The following ARHGAP26 variants were observed in gnomAD, a reference collection of about 807,000 sequenced individuals.
ARHGAP26 encodes the protein rho GTPase-activating protein 26.
Under a neutral mutation model 104.8 loss-of-function variants are expected in ARHGAP26, and 38 were observed. The observed-to-expected ratio is 0.36, with a 90% CI of 0.28 to 0.48. The LOEUF (loss-of-function observed/expected upper bound fraction) is 0.48, where lower values mean the gene tolerates loss of function less well. Ranked by LOEUF, ARHGAP26 falls within the 20% of genes least tolerant of loss-of-function variation. The pLI is 0.99. For synonymous variants in ARHGAP26, 341 were observed against 340.0 expected (o/e 1.00, Z -0.03); for missense variants, 704 against 947.9 (o/e 0.74, Z 3.38).
intron 11 of ARHGAP26, among the ~76,000 whole-genome samples, chr5:143,005,794 G>GA (rs1777863971): frequency 6.6e-6 from 1 of 152,202 alleles, no homozygotes; most frequent in African/African-American, 2.4e-5. Context: ...TCACCAGCAA[G>GA]AACGCTTCCG....
intron 11 of ARHGAP26, among the ~76,000 whole-genome samples, chr5:142,937,985 T>G (rs1208536614): frequency 6.6e-6 from 1 of 152,104 alleles, no homozygotes; most frequent in East Asian, 1.9e-4. Context: ...GAAACCATAT[T>G]AAAGTAGTTA....
chr5:142,872,386 A>C (rs991015181), intron 1 of ARHGAP26, among the ~76,000 whole-genome samples: 1 of 152,072 alleles, frequency 6.6e-6, no homozygotes, highest in Non-Finnish European at 1.5e-5. Context: ...GTTCTGCCTC[A>C]TGTTTCCCTC....
chr5:142,818,864 C>T (rs1364403963), intron 1 of ARHGAP26, among the ~76,000 whole-genome samples: 1 of 152,028 alleles, frequency 6.6e-6, no homozygotes, highest in Non-Finnish European at 1.5e-5. Context: ...GGAGGGGACC[C>T]ACATTAGAAT....
chr5:143,125,072 A>T (rs1796569667), intron 18 of ARHGAP26, among the ~76,000 whole-genome samples: 1 of 152,220 alleles, frequency 6.6e-6, no homozygotes, highest in South Asian at 2.1e-4. Flanking sequence ...ACTCATAAAT[A>T]TCTAAAATTG....
intron 11 of ARHGAP26, among the ~76,000 whole-genome samples, chr5:142,976,112 A>C (rs1274968957): frequency 6.6e-6 from 1 of 152,210 alleles, no homozygotes; most frequent in Non-Finnish European, 1.5e-5. Flanking sequence ...TTAGCTGTAG[A>C]ACCTAACACC....
chr5:142,804,313 C>G (rs77666711), intron 1 of ARHGAP26, among the ~76,000 whole-genome samples: 22 of 152,008 alleles, frequency 1.4e-4, no homozygotes, highest in Non-Finnish European at 2.9e-4. Flanking sequence ...CATAACTTGC[C>G]GAGGCTGACT....
intron 12 of ARHGAP26, among the ~76,000 whole-genome samples, chr5:143,021,331 C>T (rs903008193): frequency 2.0e-5 from 3 of 152,218 alleles, no homozygotes; most frequent in Non-Finnish European, 4.4e-5. Flanking sequence ...GTTTAATATT[C>T]TGTCATTGGA....
At chr5:142,925,806 T>C (rs948816848) in intron 10 of ARHGAP26, among the ~76,000 whole-genome samples, 4 of 152,134 alleles carry the variant, frequency 2.6e-5, no homozygotes, top group African/African-American at 9.7e-5. Flanking sequence ...TATACAGTAG[T>C]GTGGATGGAA....
intron 1 of ARHGAP26, among the ~76,000 whole-genome samples, chr5:142,853,356 A>G (rs151044779): frequency 0.015 from 2,214 of 151,958 alleles, 55 homozygotes; most frequent in African/African-American, 0.05. Context: ...ACATCCAGCT[A>G]ATTTTTGTAT....
intron 17 of ARHGAP26, among the ~76,000 whole-genome samples, chr5:143,069,327 A>G (rs1160380865): frequency 6.6e-6 from 1 of 152,184 alleles, no homozygotes; most frequent in Non-Finnish European, 1.5e-5. Context: ...TAGCAACTAG[A>G]TCAGTGCCTG....
intron 17 of ARHGAP26, among the ~76,000 whole-genome samples, chr5:143,099,607 G>C (rs551699490): frequency 2.0e-5 from 3 of 152,342 alleles, no homozygotes; most frequent in East Asian, 3.9e-4. Flanking sequence ...GTGTCACTCA[G>C]TGATACCTCT....
intron 12 of ARHGAP26, among the ~76,000 whole-genome samples, chr5:143,021,745 T>G (rs1054265516): frequency 2.0e-5 from 3 of 152,228 alleles, no homozygotes; most frequent in Non-Finnish European, 2.9e-5. Context: ...AGTGCCTAAT[T>G]ACTCTTGGTT....
intron 3 of ARHGAP26, among the ~76,000 whole-genome samples, chr5:142,877,037 A>T: frequency 6.6e-6 from 1 of 151,840 alleles, no homozygotes; most frequent in East Asian, 1.9e-4. Context: ...CTGAGTTAGT[A>T]TTTGGGGGTG....
intron 17 of ARHGAP26, among the ~76,000 whole-genome samples, chr5:143,087,574 A>G (rs1281602339): frequency 7.0e-6 from 1 of 142,778 alleles, no homozygotes; most frequent in African/African-American, 2.6e-5. Context: ...CTCTGACCCT[A>G]GGGCTTTTGT....
At chr5:143,210,913 A>G (rs557934468) in intron 21 of ARHGAP26, among the ~76,000 whole-genome samples, 1 of 152,246 alleles carries the variant, frequency 6.6e-6, no homozygotes, top group East Asian at 1.9e-4. Context: ...GGAGCAGCCG[A>G]AAACTACCCC....
chr5:142,802,610 A>G (rs1762288023), intron 1 of ARHGAP26, among the ~76,000 whole-genome samples: 1 of 152,234 alleles, frequency 6.6e-6, no homozygotes, highest in Non-Finnish European at 1.5e-5. Flanking sequence ...ATGTAATTGT[A>G]ATCGTCAGTT....
In ARHGAP26 at chr5:142,847,605, C is replaced by A. The variant is rs536652359; in HGVS notation, c.155-25795C>A. 2.6e-5 allele frequency among the ~76,000 whole-genome samples: 4 copies of A among 152,332 alleles called. No homozygotes were observed. The South Asian group carries it at 8.3e-4, about 32-fold the overall frequency. On this transcript the variant is annotated intron_variant, in intron 1 of 22. Transcript: ENST00000645722. ...CTCCGGACCTCAGGTGATCCGCCCA[C>A]CTCGGCCTCCCAAAGTGCTGGGATT...
At position 142,924,014 on chromosome 5, in the gene ARHGAP26, A is replaced by G. The variant is rs190440721; in HGVS notation, c.1029-8033A>G. 6.6e-3 allele frequency among the ~76,000 whole-genome samples: 1,004 copies of G among 152,028 alleles called. 25 individuals are homozygous for G. The highest frequency in any genetic ancestry group is 0.038 in the Admixed American group (581 of 15,276). The stretch of plus-strand genomic sequence containing the variant: ...GTAGCTGGGACTACAGGCGCCTGCC[A>G]CCGCACCTGGCTAATTTTTTTGTAT... On this transcript the variant is annotated intron_variant, in intron 10 of 22. Transcript: ENST00000645722.
chr5:142,938,179 TG>T (rs201121420), intron 11 of ARHGAP26, among the ~76,000 whole-genome samples: 4 of 151,856 alleles, frequency 2.6e-5, no homozygotes, highest in South Asian at 2.1e-4. Flanking sequence ...CATTGGATTA[TG>T]GGGGGGGAAG....
Sources: allele counts gnomAD v4.1 joint callset (sites outside exome capture counted in the v4.1 genomes callset), GRCh38; gene constraint gnomAD v4.1.1; transcripts MANE v1.5; gene names NCBI Gene and HGNC (gene_info 2026-07-23, HGNC 2026-07-21).